TTC34: variants seen among roughly 807,000 people sequenced by gnomAD.
TTC34 encodes the protein tetratricopeptide repeat protein 34.
A neutral mutation model predicts 40.7 loss-of-function variants in TTC34; 44 were observed. That is an observed-to-expected ratio of 1.08 (90% CI 0.85 to 1.39). The LOEUF (loss-of-function observed/expected upper bound fraction) is 1.39. Among genes scored for constraint, TTC34 ranks in the 40% most tolerant of loss-of-function variants. The pLI is 0.00. For synonymous variants in TTC34, 422 were observed against 398.6 expected, an observed-to-expected ratio of 1.06 and a Z score of -0.70; for missense variants, 884 against 838.0, an observed-to-expected ratio of 1.05 and a Z score of -0.68.
rs1335597672 is a variant in TTC34, at chr1:2,768,839, AG to A, written c.2226+14769del. ...CCCACACCCCAGGCAAAAATCTGAC[AG>A]CATGGAACAAGACCACTGCCCCCAG... is the stretch of plus-strand genomic sequence containing the variant. On this transcript the variant is annotated intron_variant, in intron 6 of 8. Transcript: ENST00000401095. Among the ~76,000 whole-genome samples the A allele has an allele frequency of 2.7e-5, 3 of 109,118 alleles. No individual in the cohort carries two copies. In the East Asian group the frequency reaches 7.9e-4, roughly 29 times the overall value. 71.6% of individuals were successfully genotyped at this position (109,118 alleles called of 152,430 possible). A position where few individuals can be genotyped will look rare whatever the true frequency, so the allele number is the denominator to read the frequency against.
exon 9 of TTC34, chr1:2,637,564 C>G (rs927171316): frequency 2.6e-5 from 4 of 152,180 alleles, no homozygotes; most frequent in Non-Finnish European, 4.4e-5. Context: ...CAAGCCATCC[C>G]CCATGCTGGC....
At chr1:2,699,524 C>G (rs1477710663) in intron 6 of TTC34, among the ~76,000 whole-genome samples, 76 of 22,550 alleles carry the variant, frequency 3.4e-3, no homozygotes, top group Middle Eastern at 0.038. Context: ...GCCTGGAACA[C>G]CACCCACATC....
exon 5 of TTC34, chr1:2,786,004 T>C (rs1643583253): frequency 2.7e-6 from 4 of 1,474,234 alleles, no homozygotes; most frequent in Non-Finnish European, 3.6e-6. Context: ...GTCACCAGAC[T>C]GGACCAGCTT....
At chr1:2,750,655 A>T (rs1641287600) in intron 6 of TTC34, among the ~76,000 whole-genome samples, 101 of 147,644 alleles carry the variant, frequency 6.8e-4, no homozygotes, top group East Asian at 1.2e-3. Flanking sequence ...CCCCCAGGTG[A>T]GCATCTGACA....
intron 6 of TTC34, among the ~76,000 whole-genome samples, chr1:2,749,545 C>G (rs1164447605): frequency 1.6e-5 from 1 of 61,878 alleles, no homozygotes; most frequent in East Asian, 5.2e-4. Context: ...CATCTGAACG[C>G]AAATAGCAGC....
intron 6 of TTC34, among the ~76,000 whole-genome samples, chr1:2,653,664 C>CCGA (rs1639232590): frequency 6.6e-6 from 1 of 151,488 alleles, no homozygotes; most frequent in African/African-American, 2.4e-5. Context: ...AGGCGAGCAT[C>CCGA]TGACAGCCTG....
intron 6 of TTC34, among the ~76,000 whole-genome samples, chr1:2,657,311 G>T (rs1639381771): frequency 8.2e-6 from 1 of 121,340 alleles, no homozygotes; most frequent in Non-Finnish European, 1.9e-5. Flanking sequence ...ACCCAGGTGA[G>T]CATCTGACAG....
At chr1:2,783,026 T>G (rs1643509795) in intron 6 of TTC34, among the ~76,000 whole-genome samples, 1 of 152,214 alleles carries the variant, frequency 6.6e-6, no homozygotes, top group African/African-American at 2.4e-5. Flanking sequence ...GGATCTGTCT[T>G]CTTGCCATTG....
chr1:2,750,706 A>T (rs1305259242), intron 6 of TTC34, among the ~76,000 whole-genome samples: 18 of 62,214 alleles, frequency 2.9e-4, no homozygotes, highest in Non-Finnish European at 3.8e-4. Flanking sequence ...AGCATCCGAC[A>T]GCCTGGAGCA....
Position 2,787,674 on chromosome 1 carries a change from A to T in TTC34, c.1661T>A (p.Leu554Gln), listed in dbSNP as rs1229602440. 2 of 1,548,156 alleles carry T rather than the reference A, an allele frequency of 1.3e-6. No homozygotes were observed. Among genetic ancestry groups the T allele is most frequent in the Admixed American group, 3.9e-5 (2 of 50,870 alleles). ...GTCCTCTGAATCCAGCTCCATCAGC[A>T]GTGTGGCCAGCTGGTGCACGCCGCA... is the stretch of plus-strand genomic sequence containing the variant. Residue 554 changes from leucine (L) to glutamine (Q), a missense_variant, in exon 4 of 9, where the codon CTG becomes CAG. Coordinates refer to ENST00000401095, the Ensembl canonical transcript of TTC34.
intron 6 of TTC34, among the ~76,000 whole-genome samples, chr1:2,753,212 A>G: frequency 1.1e-5 from 1 of 91,744 alleles, no homozygotes; most frequent in Non-Finnish European, 2.0e-5. Context: ...GCAGCACCCC[A>G]CACCCACAGG....
At chr1:2,652,502 AC>A (rs1639179386) in intron 6 of TTC34, among the ~76,000 whole-genome samples, 1 of 151,738 alleles carries the variant, frequency 6.6e-6, no homozygotes, top group Non-Finnish European at 1.5e-5. Flanking sequence ...CGAGCATCTG[AC>A]GGCCTGCAAC....
intron 4 of TTC34, among the ~76,000 whole-genome samples, chr1:2,786,911 G>T (rs929297134): frequency 1.4e-4 from 22 of 152,206 alleles, no homozygotes; most frequent in African/African-American, 4.6e-4. Context: ...CCCAAACCGG[G>T]CCCCAGGGGG....
chr1:2,749,570 G>C (rs1281009573), intron 6 of TTC34, among the ~76,000 whole-genome samples: 2 of 100,288 alleles, frequency 2.0e-5, no homozygotes, highest in East Asian at 5.9e-4. Context: ...ACACCCCCAG[G>C]CGAGCATCCG....
chr1:2,793,859 A>C (rs1643687075), intron 2 of TTC34, among the ~76,000 whole-genome samples: 1 of 152,000 alleles, frequency 6.6e-6, no homozygotes, highest in Non-Finnish European at 1.5e-5. Flanking sequence ...AAATCCTTCT[A>C]CTGCCACCTC....
chr1:2,782,336 T>G (rs543776770), intron 6 of TTC34, among the ~76,000 whole-genome samples: 1 of 152,344 alleles, frequency 6.6e-6, no homozygotes, highest in African/African-American at 2.4e-5. Context: ...TCTGTAGAAT[T>G]GGTAATAACC....
intron 6 of TTC34, among the ~76,000 whole-genome samples, chr1:2,747,717 C>CAA (rs1641199007): frequency 9.7e-6 from 1 of 102,638 alleles, no homozygotes. Flanking sequence ...GCACCCCGCA[C>CAA]CCCCAGGCGA....
Position 2,645,462 on chromosome 1 carries a change from C to T in TTC34, c.2328G>A (p.Gln776=). 6.5e-7 allele frequency: 1 copy of T among 1,534,448 alleles called. No individual in the cohort carries two copies. The highest frequency in any genetic ancestry group is 8.7e-7 in the Non-Finnish European group (1 of 1,146,384). Residue 776 remains glutamine, a synonymous_variant, in exon 7 of 9, where the codon CAG becomes CAA. Coordinates refer to ENST00000401095, the Ensembl canonical transcript of TTC34. This position sits in a 1 kb window ranked among gnomAD's most constrained non-coding sequence, Gnocchi z 4.7. ...GGGCCCGGCAGTGGGAGTAGAGGCC[C>T]TGTGTGATGAGGGCCTGGGCTTCCG... is the stretch of plus-strand genomic sequence containing the variant.
chr1:2,756,036 C>G (rs1325221785), intron 6 of TTC34, among the ~76,000 whole-genome samples: 5 of 86,240 alleles, frequency 5.8e-5, no homozygotes, highest in Admixed American at 4.4e-4. Flanking sequence ...CCCAGGCGAG[C>G]ATCTGACAAC....
Sources: gnomAD v4.1 joint callset for allele counts (sites outside exome capture counted in the v4.1 genomes callset) on GRCh38, gnomAD v4.1.1 for gene constraint, Gnocchi (gnomAD v3.1) non-coding constraint, MANE v1.5 for transcripts, NCBI Gene and HGNC (gene_info 2026-07-23, HGNC 2026-07-21) for gene names.